KIAA1549L: variants seen among roughly 807,000 people sequenced by gnomAD.
The protein encoded by KIAA1549L is UPF0606 protein KIAA1549L.
KIAA1549L carries 88 observed loss-of-function variants against 160.7 expected under a neutral mutation model. The observed-to-expected ratio is 0.55, with a 90% CI of 0.46 to 0.65. KIAA1549L has a LOEUF of 0.65. KIAA1549L is among the 30% of genes least tolerant of loss of function. The pLI is 0.00. For synonymous variants in KIAA1549L, 950 were observed against 976.7 expected (o/e 0.97, Z 0.51); for missense variants, 2,258 against 2,437.5 (o/e 0.93, Z 1.55).
chr11:33,667,538 G>A (rs1278353117), intron 20 of KIAA1549L, among the ~76,000 whole-genome samples: 3 of 151,908 alleles, frequency 2.0e-5, no homozygotes, highest in African/African-American at 4.8e-5. Context: ...GACTACAGGC[G>A]CATGCCACCA....
chr11:33,572,831 G>T (rs953646822), intron 9 of KIAA1549L, among the ~76,000 whole-genome samples: 1 of 152,162 alleles, frequency 6.6e-6, no homozygotes, highest in African/African-American at 2.4e-5. Flanking sequence ...TGGAATTGCT[G>T]GTTCTTAGGG....
chr11:33,522,900 C>CT (rs1554985502), intron 1 of KIAA1549L, among the ~76,000 whole-genome samples: 2 of 147,212 alleles, frequency 1.4e-5, no homozygotes, highest in East Asian at 2.0e-4. Context: ...TTCTCTCTCT[C>CT]AAAAAAAAAA....
chr11:33,529,199 G>C (rs2133143890), intron 1 of KIAA1549L, among the ~76,000 whole-genome samples: 1 of 152,200 alleles, frequency 6.6e-6, no homozygotes, highest in African/African-American at 2.4e-5. Flanking sequence ...AGACGAGTGT[G>C]GCGGTATGTC....
intron 10 of KIAA1549L, among the ~76,000 whole-genome samples, chr11:33,576,683 G>A (rs914335930): frequency 2.0e-5 from 3 of 152,222 alleles, no homozygotes; most frequent in African/African-American, 7.2e-5. Flanking sequence ...AACGGCGCAA[G>A]ATAATGATTC....
chr11:33,498,167 C>T (rs1590289774), intron 1 of KIAA1549L, among the ~76,000 whole-genome samples: 1 of 152,162 alleles, frequency 6.6e-6, no homozygotes, highest in Non-Finnish European at 1.5e-5. Flanking sequence ...TGGTGGCATG[C>T]ACCTGTGGTC....
chr11:33,515,753 TTTGCTTCTCC>T (rs1476262661), intron 1 of KIAA1549L, among the ~76,000 whole-genome samples: 1 of 152,196 alleles, frequency 6.6e-6, no homozygotes, highest in East Asian at 1.9e-4. Flanking sequence ...ACCTCCTCCC[TTTGCTTCTCC>T]TTGCTTCATT....
chr11:33,435,790 ATATATAT>A (rs1327214321), intron 1 of KIAA1549L, among the ~76,000 whole-genome samples: 2 of 26,088 alleles, frequency 7.7e-5, no homozygotes, highest in African/African-American at 2.6e-4. Flanking sequence ...ATATATATAT[ATATATAT>A]ATATATATAT....
In KIAA1549L at chr11:33,594,484, C is replaced by G. The variant is rs148727455; in HGVS notation, c.4751+3063C>G. Among the ~76,000 whole-genome samples the G allele has an allele frequency of 2.3e-4, 35 of 152,280 alleles. No homozygotes were observed. In the East Asian group the frequency reaches 5.8e-3, roughly 25 times the overall value. On this transcript the variant is annotated intron_variant, in intron 12 of 20. Transcript: ENST00000658780. ...GTTGATACTAATCTTATCAGGAATACCCCAGGTAGCAAGGGCCTTTGTTCA... is the reference window on the plus strand; with the variant it reads ...GTTGATACTAATCTTATCAGGAATAGCCCAGGTAGCAAGGGCCTTTGTTCA...
intron 16 of KIAA1549L, among the ~76,000 whole-genome samples, chr11:33,640,834 G>GA (rs937690903): frequency 3.7e-4 from 56 of 151,924 alleles, no homozygotes; most frequent in Non-Finnish European, 6.3e-4. Flanking sequence ...ACAGCTTTTT[G>GA]AAAAAAATGA....
chr11:33,459,922 CT>C lies in KIAA1549L; in HGVS notation c.239-81879del, dbSNP rs1851906755. 2.3e-5 allele frequency among the ~76,000 whole-genome samples: 3 copies of C among 133,208 alleles called. 1 individual carries two copies. Among genetic ancestry groups the C allele is most frequent in the African/African-American group, 8.7e-5 (3 of 34,374 alleles). 87.4% of individuals were successfully genotyped at this position (133,208 alleles called of 152,430 possible). A position where few individuals can be genotyped will look rare whatever the true frequency, so the allele number is the denominator to read the frequency against. On this transcript the variant is annotated intron_variant, in intron 1 of 20. Transcript: ENST00000658780. ...CTTGCAGTGAGCCGAGATCCCGCCA[CT>C]GCACTCCAGCCTGGGCGACAGAGCG... is the stretch of plus-strand genomic sequence containing the variant.
intron 13 of KIAA1549L, among the ~76,000 whole-genome samples, chr11:33,600,996 A>G (rs1409859011): frequency 6.6e-6 from 1 of 151,830 alleles, no homozygotes; most frequent in Non-Finnish European, 1.5e-5. Flanking sequence ...GACCTTGCCC[A>G]TTTCTGCTTG....
chr11:33,527,445 A>G (rs949913943), intron 1 of KIAA1549L, among the ~76,000 whole-genome samples: 5 of 152,228 alleles, frequency 3.3e-5, no homozygotes, highest in Non-Finnish European at 7.3e-5. Context: ...AATCAACTCA[A>G]GATGGATCAA....
At chr11:33,386,952 C>G (rs1850185507) in intron 1 of KIAA1549L, among the ~76,000 whole-genome samples, 1 of 151,754 alleles carries the variant, frequency 6.6e-6, no homozygotes, top group Admixed American at 6.6e-5. Flanking sequence ...ACTAAAAATA[C>G]AAAAATTAGC....
chr11:33,497,284 T>C (rs1442435098), intron 1 of KIAA1549L, among the ~76,000 whole-genome samples: 1 of 152,262 alleles, frequency 6.6e-6, no homozygotes, highest in African/African-American at 2.4e-5. Context: ...GGGATAATAA[T>C]AGGCCTCAGT....
chr11:33,416,284 C>G (rs1344186233), intron 1 of KIAA1549L, among the ~76,000 whole-genome samples: 1 of 152,000 alleles, frequency 6.6e-6, no homozygotes, highest in Non-Finnish European at 1.5e-5. Context: ...TCAGACCTTC[C>G]TCAGGGCCAA....
At chr11:33,593,978 G>A (rs1316397002) in intron 12 of KIAA1549L, among the ~76,000 whole-genome samples, 1 of 152,112 alleles carries the variant, frequency 6.6e-6, no homozygotes, top group Non-Finnish European at 1.5e-5. Flanking sequence ...GTCATGATTA[G>A]AGGTCCAGAA....
At chr11:33,408,045 A>G (rs1393238951) in intron 1 of KIAA1549L, among the ~76,000 whole-genome samples, 2 of 152,130 alleles carry the variant, frequency 1.3e-5, no homozygotes, top group Non-Finnish European at 2.9e-5. Flanking sequence ...TTCCTTCTCA[A>G]GGGGTGTTAA....
intron 1 of KIAA1549L, among the ~76,000 whole-genome samples, chr11:33,469,448 C>T (rs1447687528): frequency 6.6e-6 from 1 of 152,098 alleles, no homozygotes; most frequent in African/African-American, 2.4e-5. Flanking sequence ...ATTTTTTCCA[C>T]TTTTTGGCTT....
At chr11:33,521,445 G>A (rs1197449158) in intron 1 of KIAA1549L, among the ~76,000 whole-genome samples, 2 of 152,172 alleles carry the variant, frequency 1.3e-5, no homozygotes, top group African/African-American at 2.4e-5. Flanking sequence ...CTTCCTAATA[G>A]CATTGTTGTG....
Sources: allele counts gnomAD v4.1 joint callset (sites outside exome capture counted in the v4.1 genomes callset), GRCh38; gene constraint gnomAD v4.1.1; transcripts MANE v1.5; gene names NCBI Gene and HGNC (gene_info 2026-07-23, HGNC 2026-07-21).